The following MYBPC3 variants were observed in gnomAD, a reference collection of about 807,000 sequenced individuals.
MYBPC3 encodes the protein myosin binding protein C3, also known as myosin-binding protein C, cardiac-type.
MYBPC3 carries 108 observed loss-of-function variants against 159.3 expected under a neutral mutation model. That is an observed-to-expected ratio of 0.68 (90% CI 0.58 to 0.80). The LOEUF (loss-of-function observed/expected upper bound fraction) is 0.80. Ranked by LOEUF, MYBPC3 falls within the 30% of genes least tolerant of loss-of-function variation. The probability of loss-of-function intolerance (pLI) is 0.00; values close to 1 mark genes in which losing one functional copy is unlikely to be tolerated. For missense variants in MYBPC3, 1,631 were observed against 1,762.1 expected, an observed-to-expected ratio of 0.93 and a Z score of 1.33; for synonymous variants, 730 against 702.0, an observed-to-expected ratio of 1.04 and a Z score of -0.63.
At position 47,351,390 on chromosome 11, in the gene MYBPC3, A is replaced by C; in HGVS notation, c.141T>G (p.Ser47Arg). The change falls in exon 2 of 35, where the codon AGT becomes AGG. Residue 47 changes from serine (S) to arginine (R), a missense_variant. Transcript: ENST00000545968. The surrounding 1 kb of genome is among the most constrained non-coding windows in gnomAD (Gnocchi z 4.2). The part of the protein sequence containing the change: ...GVKVRWQRGG[S>R]DISASNKYGL... The stretch of plus-strand genomic sequence containing the variant: ...CGTACTTGTTGCTGGCGCTGATGTC[A>C]CTGCCTCCGCGCTGCCAGCGCACCT... 1 of 1,609,656 alleles carries C rather than the reference A, an allele frequency of 6.2e-7. No homozygotes were observed. The highest frequency in any genetic ancestry group is 1.3e-5 in the African/African-American group (1 of 74,958).
chr11:47,332,209 C>T lies in MYBPC3; in HGVS notation c.3677G>A (p.Arg1226His), dbSNP rs397516034. 7.4e-6 allele frequency: 12 copies of T among 1,613,734 alleles called. No homozygotes were observed. The highest frequency in any genetic ancestry group is 3.3e-5 in the South Asian group (3 of 91,092). ...TCCCTGCTTGCTGAACATGCGGAAG[C>T]GGGCGTCTTCTCCCAGGTCCAGGCC... is the stretch of plus-strand genomic sequence containing the variant. ...KNGLDLGEDA[R>H]FRMFSKQGVL... Residue 1226 changes from arginine (R) to histidine (H), a missense_variant, in exon 33 of 35, where the codon CGC (arginine) becomes CAC (histidine). Arg to His is a conservative substitution (Grantham distance 29, BLOSUM62 0). Transcript: ENST00000545968. This position sits in a 1 kb window ranked among gnomAD's most constrained non-coding sequence, Gnocchi z 4.2.
intron 20 of MYBPC3, among the ~76,000 whole-genome samples, chr11:47,340,348 T>C (rs1272700839): frequency 6.6e-6 from 1 of 151,982 alleles, no homozygotes; most frequent in Non-Finnish European, 1.5e-5. Context: ...GCCAAATAAA[T>C]CAGGAATCTG....
intron 9 of MYBPC3, 66 bp from the exon 10 acceptor site, chr11:47,347,095 A>G: frequency 2.1e-6 from 2 of 972,640 alleles, no homozygotes; most frequent in Non-Finnish European, 3.2e-6. Context: ...GGCAGAGAGA[A>G]CATAAGTCAG....
intron 24 of MYBPC3, 25 bp from the exon 25 acceptor site, chr11:47,337,604 T>C (rs1276787059): frequency 1.2e-6 from 2 of 1,613,700 alleles, no homozygotes; most frequent in Non-Finnish European, 1.7e-6. Flanking sequence ...GTGGCAGCTC[T>C]GGTCTGGAAC....
At position 47,333,177 on chromosome 11, in the gene MYBPC3, C is replaced by T; in HGVS notation, c.3330+17G>A. 5 of 1,600,054 alleles carry T rather than the reference C, an allele frequency of 3.1e-6. No individual in the cohort carries two copies. Among genetic ancestry groups the T allele is most frequent in the Non-Finnish European group, 4.3e-6 (5 of 1,173,350 alleles). ...CCTAGGCAGGGTGCACGTGGGGACCCCAGACCCTGGGCTCACCATGGTCTT... is the reference window on the plus strand; with the variant it reads ...CCTAGGCAGGGTGCACGTGGGGACCTCAGACCCTGGGCTCACCATGGTCTT... On this transcript the variant is annotated intron_variant, in intron 30 of 34. Coordinates refer to ENST00000545968, the MANE Select transcript of MYBPC3 (RefSeq NM_000256.3).
rs749317445 is a variant in MYBPC3 at position 47,339,681 on chromosome 11, G to T, written c.2037C>A (p.Pro679=). Residue 679 remains proline (P), a synonymous_variant, in exon 21 of 35, where the codon CCC becomes CCA. Transcript: ENST00000545968. ...TGATAGCCTTCTGCCAGATCACAGT[G>T]GGAGCAGGGTCCCCAGAGATAGGGA... ...LDVPISGDPA[P]TVIWQKAITQ... is the part of the protein sequence containing the mutation. 1 of 1,611,338 alleles carries T rather than the reference G, an allele frequency of 6.2e-7. No homozygotes were observed. The highest frequency in any genetic ancestry group is 8.5e-7 in the Non-Finnish European group (1 of 1,178,400).
At chr11:47,344,152 C>T (rs1399623940) in intron 12 of MYBPC3, among the ~76,000 whole-genome samples, 1 of 152,224 alleles carries the variant, frequency 6.6e-6, no homozygotes, top group Non-Finnish European at 1.5e-5. Flanking sequence ...TTCTGTCTTC[C>T]TTGGGGTCCT....
In MYBPC3 at chr11:47,343,610, G is replaced by T. The variant is rs2142862312; in HGVS notation, c.1105C>A (p.Leu369Met). 1 of 1,611,830 alleles carries T rather than the reference G, an allele frequency of 6.2e-7. No homozygotes were observed. The part of the protein sequence containing the change: ...EKKSTAFQKK[L>M]EPAYQVSKGH... ...TTGCTCACCTGGTAGGCCGGCTCCA[G>T]CTTCTTCTGAAAGGCTGAGCACCAC... is the stretch of plus-strand genomic sequence containing the variant. Residue 369 changes from leucine (L) to methionine (M), a missense_variant, in exon 13 of 35, where the codon CTG (leucine) becomes ATG (methionine). By Grantham distance (15) the Leu-to-Met change is conservative. Coordinates refer to ENST00000545968, the MANE Select transcript of MYBPC3 (RefSeq NM_000256.3).
chr11:47,332,620 C>T lies in MYBPC3; in HGVS notation c.3573G>A (p.Ser1191=), dbSNP rs371488508. 4.0e-5 allele frequency: 65 copies of T among 1,613,780 alleles called. No individual in the cohort carries two copies. Among genetic ancestry groups the T allele is most frequent in the African/African-American group, 5.3e-5 (4 of 74,940 alleles). Residue 1191 remains serine (S), a synonymous_variant, in exon 32 of 35, where the codon TCG becomes TCA. Transcript: ENST00000545968. The surrounding 1 kb of genome is among the most constrained non-coding windows in gnomAD (Gnocchi z 4.2). ...GCATAGCAGTGTAGCCCGCGATGAC[C>T]GAGCGGTTCACCAGGGGCTGGGTGA... is the stretch of plus-strand genomic sequence containing the variant. ...PSFTQPLVNR[S]VIAGYTAMLC...
intron 26 of MYBPC3, 159 bp downstream of exon 26, chr11:47,335,718 A>G (rs1286276637): frequency 1.6e-6 from 1 of 610,988 alleles, no homozygotes; most frequent in African/African-American, 1.9e-5. Context: ...TTCACTAGGC[A>G]AGCTTTTTTA....
intron 13 of MYBPC3, 83 bp from the exon 14 acceptor site, chr11:47,343,345 C>T: frequency 6.7e-7 from 1 of 1,494,570 alleles, no homozygotes; most frequent in Middle Eastern, 1.8e-4. Context: ...GAGGGACCGG[C>T]AGGAGCAAAA....
At position 47,331,661 on chromosome 11, in the gene MYBPC3, G is replaced by A; in HGVS notation, c.*82C>T. ...TCACACATACATCCAACAGTAGGGA[G>A]GGGTTTCCCCAACTTCCCTCCAGGC... is the stretch of plus-strand genomic sequence containing the variant. On this transcript the variant is annotated 3_prime_UTR_variant, in exon 35 of 35. Coordinates refer to ENST00000545968, the MANE Select transcript of MYBPC3 (RefSeq NM_000256.3). 1.6e-6 allele frequency: 1 copy of A among 617,066 alleles called. No homozygotes were observed. Among genetic ancestry groups the A allele is most frequent in the South Asian group, 2.0e-5 (1 of 48,970 alleles). The allele number at this position is 617,066 out of a possible 1,614,324, so 38.2% of individuals were successfully genotyped here.
rs1191877886 is a variant in MYBPC3, at chr11:47,331,560, G to A, written c.*183C>T. 1.9e-5 allele frequency: 7 copies of A among 374,852 alleles called. No individual in the cohort carries two copies. Among genetic ancestry groups the A allele is most frequent in the Non-Finnish European group, 3.4e-5 (7 of 206,170 alleles). 23.2% of individuals were successfully genotyped at this position (374,852 alleles called of 1,614,324 possible). A position where few individuals can be genotyped will look rare whatever the true frequency, so the allele number is the denominator to read the frequency against. On this transcript the variant is annotated 3_prime_UTR_variant, in exon 35 of 35. Coordinates refer to ENST00000545968, the MANE Select transcript of MYBPC3 (RefSeq NM_000256.3). Reference sequence around the variant, plus strand: ...CTTCCTTCAGGAGCCCTGTGGACCAGTCTGTGCAACACCCACTCAGGACTG... The same window carrying A: ...CTTCCTTCAGGAGCCCTGTGGACCAATCTGTGCAACACCCACTCAGGACTG...
intron 12 of MYBPC3, 53 bp from the exon 13 acceptor site, chr11:47,343,677 C>A: frequency 2.6e-6 from 4 of 1,531,652 alleles, no homozygotes; most frequent in South Asian, 1.3e-5. Flanking sequence ...CCTGCTCCCC[C>A]AGGCCAAGCT....
intron 18 of MYBPC3, 113 bp downstream of exon 18, chr11:47,341,878 C>T: frequency 7.2e-7 from 1 of 1,381,300 alleles, no homozygotes; most frequent in Non-Finnish European, 9.9e-7. Flanking sequence ...TGTCTCTGTG[C>T]ATCTGCCTCT....
rs1239599946 is a variant in MYBPC3 at position 47,335,989 on chromosome 11, G to A, written c.2625C>T (p.His875=). 1 of 1,536,950 alleles carries A rather than the reference G, an allele frequency of 6.5e-7. No homozygotes were observed. Among genetic ancestry groups the A allele is most frequent in the South Asian group, 1.3e-5 (1 of 79,256 alleles). ...MPIGPPSEPT[H]LAVEDVSDTT... is the part of the protein sequence containing the mutation. ...TGTCAGAGACGTCCTCTACTGCCAG[G>A]TGGGTGGGTTCGCTGGGGGGACCTG... is the stretch of plus-strand genomic sequence containing the variant. The change falls in exon 26 of 35, where the codon CAC becomes CAT. Residue 875 remains histidine, a synonymous_variant. Transcript: ENST00000545968.
chr11:47,350,553 C>A lies in MYBPC3; in HGVS notation c.355G>T (p.Glu119Ter). 1 of 1,547,630 alleles carries A rather than the reference C, an allele frequency of 6.5e-7. No homozygotes were observed. The highest frequency in any genetic ancestry group is 2.4e-5 in the East Asian group (1 of 42,234). Residue 119 changes from glutamate to a stop codon, truncating the protein, a stop_gained, in exon 3 of 35, where the codon GAA (glutamate) becomes TAA (stop). Coordinates refer to ENST00000545968, the MANE Select transcript of MYBPC3 (RefSeq NM_000256.3). LOFTEE classifies it high-confidence loss of function. ...AGCTCAGCGGCTGGGGCCGGGGCTTCTCCAGGGGCTCCAGTGGCCTCAGCA... is the reference window on the plus strand; with the variant it reads ...AGCTCAGCGGCTGGGGCCGGGGCTTATCCAGGGGCTCCAGTGGCCTCAGCA... ...APAEATGAPG[E>*]APAPAAELGE...
chr11:47,334,534 A>C (rs2095880382), intron 27 of MYBPC3, among the ~76,000 whole-genome samples: 1 of 151,206 alleles, frequency 6.6e-6, no homozygotes, highest in South Asian at 2.1e-4. Context: ...GAACTAAGGG[A>C]CTGACATACA....
In MYBPC3 at chr11:47,333,295, C is replaced by T. The variant is rs397516009; in HGVS notation, c.3229G>A (p.Ala1077Thr). The part of the protein sequence containing the change: ...SPPQDLRVTD[A>T]WGLNVALEWK... ...TCCAGAGCCACATTAAGACCCCAGG[C>T]GTCAGTCACCCGGAGATCCTGGGGA... The change falls in exon 30 of 35, where the codon GCC becomes ACC. Residue 1077 changes from alanine to threonine, a missense_variant. Coordinates refer to ENST00000545968, the MANE Select transcript of MYBPC3 (RefSeq NM_000256.3). The T allele has an allele frequency of 8.8e-6, 14 of 1,590,360 alleles. No individual in the cohort carries two copies. The highest frequency in any genetic ancestry group is 2.3e-5 in the East Asian group (1 of 43,644).
Sources: allele counts gnomAD v4.1 joint callset (sites outside exome capture counted in the v4.1 genomes callset), GRCh38; gene constraint gnomAD v4.1.1; non-coding constraint Gnocchi (gnomAD v3.1); transcripts MANE v1.5; gene names NCBI Gene and HGNC (gene_info 2026-07-23, HGNC 2026-07-21).